The following TUBGCP3 variants were observed in gnomAD, a reference collection of about 807,000 sequenced individuals.
TUBGCP3 encodes tubulin gamma complex component 3.
In TUBGCP3, 50 loss-of-function variants were observed where a neutral mutation model predicts 123.1. That is an observed-to-expected ratio of 0.41 (90% CI 0.32 to 0.51). The LOEUF (loss-of-function observed/expected upper bound fraction) is 0.51. TUBGCP3 is among the 20% of genes least tolerant of loss of function. The pLI, the probability that TUBGCP3 is intolerant of heterozygous loss-of-function variation, is 0.36. For missense variants in TUBGCP3, 882 were observed against 1,127.0 expected (o/e 0.78, Z 3.11); for synonymous variants, 405 against 413.9 (o/e 0.98, Z 0.26).
intron 10 of TUBGCP3, 99 bp downstream of exon 10, chr13:112,547,521 G>C (rs754886247): frequency 7.4e-7 from 1 of 1,344,664 alleles, no homozygotes; most frequent in African/African-American, 1.5e-5. Flanking sequence ...GGAAAGACGC[G>C]CGTGGGAAAG....
chr13:112,596,774 A>G, the TUBGCP3 span, among the ~76,000 whole-genome samples: 2 of 152,182 alleles, frequency 1.3e-5, no homozygotes, highest in Admixed American at 1.3e-4. Context: ...TCATTTTTAA[A>G]AAATATATTT....
intron 1 of TUBGCP3, among the ~76,000 whole-genome samples, 186 bp downstream of exon 1, chr13:112,587,719 G>A (rs1415467647): frequency 6.6e-6 from 1 of 151,914 alleles, no homozygotes; most frequent in Non-Finnish European, 1.5e-5. Flanking sequence ...GTCCTCCCCG[G>A]CTCCCTGACC....
chr13:112,540,759 T>G (rs944454374), intron 11 of TUBGCP3, among the ~76,000 whole-genome samples: 2 of 152,254 alleles, frequency 1.3e-5, no homozygotes, highest in Non-Finnish European at 2.9e-5. Flanking sequence ...CACCTGGGAA[T>G]GTTTTGCATT....
chr13:112,493,676 T>A (rs1329447947), intron 20 of TUBGCP3, among the ~76,000 whole-genome samples: 2 of 141,350 alleles, frequency 1.4e-5, no homozygotes, highest in African/African-American at 5.4e-5. Flanking sequence ...TGGCCTGGTG[T>A]CCCTGAGACA....
chr13:112,567,598 C>T (rs1287336287), intron 2 of TUBGCP3, among the ~76,000 whole-genome samples: 2 of 152,088 alleles, frequency 1.3e-5, no homozygotes, highest in Non-Finnish European at 2.9e-5. Context: ...TTTTATTCCC[C>T]GTCTTAAATA....
chr13:112,491,201 T>C (rs1039301186), intron 20 of TUBGCP3, among the ~76,000 whole-genome samples: 3 of 152,374 alleles, frequency 2.0e-5, no homozygotes, highest in African/African-American at 2.4e-5. Flanking sequence ...TTAGGTTTCA[T>C]TCCTGCTTTT....
chr13:112,540,129 C>G (rs1051012476), intron 11 of TUBGCP3, among the ~76,000 whole-genome samples: 1 of 149,604 alleles, frequency 6.7e-6, no homozygotes, highest in Non-Finnish European at 1.5e-5. Flanking sequence ...GAAAGGACAC[C>G]TGGGAATGAG....
At chr13:112,580,186 A>G (rs961531017) in intron 1 of TUBGCP3, among the ~76,000 whole-genome samples, 4 of 152,260 alleles carry the variant, frequency 2.6e-5, no homozygotes, top group Non-Finnish European at 5.9e-5. Flanking sequence ...AGCACAGAGG[A>G]AATCACTGTG....
chr13:112,500,021 T>C (rs919993772), intron 19 of TUBGCP3, among the ~76,000 whole-genome samples: 6 of 151,994 alleles, frequency 3.9e-5, no homozygotes, highest in African/African-American at 1.4e-4. Flanking sequence ...GAGGGTGGAA[T>C]TGGGGTATTG....
At chr13:112,492,396 T>C (rs17746633) in intron 20 of TUBGCP3, among the ~76,000 whole-genome samples, 26,650 of 152,238 alleles carry the variant, frequency 0.18, 2,478 homozygotes, top group Middle Eastern at 0.22. Flanking sequence ...GTAACACATA[T>C]AAAAAAGTAT....
At chr13:112,550,948 A>G (rs1256918205) in intron 8 of TUBGCP3, among the ~76,000 whole-genome samples, 2 of 152,002 alleles carry the variant, frequency 1.3e-5, no homozygotes, top group Non-Finnish European at 2.9e-5. Flanking sequence ...AATACAAAAA[A>G]ATTAGCCGGG....
the TUBGCP3 span, among the ~76,000 whole-genome samples, chr13:112,593,671 T>TC: frequency 1.3e-5 from 2 of 150,058 alleles, no homozygotes; most frequent in Admixed American, 6.6e-5. Context: ...AGACTCCATC[T>TC]CAAAAAAAAG....
chr13:112,575,735 T>C (rs72658018), intron 1 of TUBGCP3, among the ~76,000 whole-genome samples: 4,955 of 152,328 alleles, frequency 0.033, 126 homozygotes, highest in Non-Finnish European at 0.056. Flanking sequence ...AATAAAATTA[T>C]TCAAAGTATG....
rs1489210190 is a variant in TUBGCP3 at position 112,588,058 on chromosome 13, C to G, written c.-78G>C. The G allele has an allele frequency of 2.5e-6, 3 of 1,217,456 alleles. No individual in the cohort carries two copies. In the Admixed American group the frequency reaches 1.1e-4, roughly 46 times the overall value. 75.4% of individuals were successfully genotyped at this position (1,217,456 alleles called of 1,614,324 possible). A position where few individuals can be genotyped will look rare whatever the true frequency, so the allele number is the denominator to read the frequency against. On this transcript the variant is annotated 5_prime_UTR_variant, in exon 1 of 22. Coordinates refer to ENST00000261965, the MANE Select transcript of TUBGCP3 (RefSeq NM_006322.6). ...ACGCGCAGGGACCGCGGCCCGCGCC[C>G]TTCCTGCGCCCCGCAAGCTCCCTGC...
chr13:112,551,205 G>A (rs1020820287), intron 8 of TUBGCP3, among the ~76,000 whole-genome samples: 1 of 152,354 alleles, frequency 6.6e-6, no homozygotes, highest in African/African-American at 2.4e-5. Flanking sequence ...CTTCTGAGAA[G>A]TCTACAACCA....
intron 16 of TUBGCP3, 99 bp downstream of exon 16, chr13:112,518,876 T>C: frequency 9.8e-7 from 1 of 1,016,846 alleles, no homozygotes; most frequent in Non-Finnish European, 1.5e-6. Context: ...GAGTGATCAC[T>C]TGAATTAGAA....
At chr13:112,512,124 A>G (rs1198526871) in intron 17 of TUBGCP3, among the ~76,000 whole-genome samples, 1 of 152,198 alleles carries the variant, frequency 6.6e-6, no homozygotes, top group East Asian at 1.9e-4. Context: ...GTGGAGTTCC[A>G]TCATCTTAAA....
intron 1 of TUBGCP3, among the ~76,000 whole-genome samples, chr13:112,579,899 G>C (rs1204766184): frequency 6.6e-6 from 1 of 152,210 alleles, no homozygotes; most frequent in Non-Finnish European, 1.5e-5. Flanking sequence ...GTTCATAGCA[G>C]CATTATCCAT....
chr13:112,528,317 T>C (rs1162648579), intron 11 of TUBGCP3, among the ~76,000 whole-genome samples: 1 of 152,272 alleles, frequency 6.6e-6, no homozygotes, highest in African/African-American at 2.4e-5. Context: ...TTTTAGTTTT[T>C]ATAGACAATG....
Sources: allele counts gnomAD v4.1 joint callset (sites outside exome capture counted in the v4.1 genomes callset), GRCh38; gene constraint gnomAD v4.1.1; transcripts MANE v1.5; gene names NCBI Gene and HGNC (gene_info 2026-07-23, HGNC 2026-07-21).